The following PPP6R2 variants were observed in gnomAD, a reference collection of about 807,000 sequenced individuals.
PPP6R2 encodes serine/threonine-protein phosphatase 6 regulatory subunit 2.
A neutral mutation model predicts 100.2 loss-of-function variants in PPP6R2; 62 were observed. The observed-to-expected ratio is 0.62, with a 90% confidence interval of 0.50 to 0.76. The LOEUF (loss-of-function observed/expected upper bound fraction) is 0.76, where lower values mean the gene tolerates loss of function less well. Among genes scored for constraint, PPP6R2 ranks in the 30% least tolerant of loss-of-function variants. The probability of loss-of-function intolerance (pLI) is 0.00; values close to 1 mark genes in which losing one functional copy is unlikely to be tolerated. For missense variants in PPP6R2, 1,142 were observed against 1,276.3 expected (o/e 0.89, Z 1.60); for synonymous variants, 525 against 514.7 (o/e 1.02, Z -0.27).
intron 5 of PPP6R2, among the ~76,000 whole-genome samples, chr22:50,415,463 G>A (rs571754303): frequency 1.3e-5 from 2 of 152,342 alleles, no homozygotes; most frequent in Admixed American, 1.3e-4. Flanking sequence ...AGCCGTTAGT[G>A]GGAAGCCTGC....
intron 1 of PPP6R2, among the ~76,000 whole-genome samples, chr22:50,353,350 CAG>C (rs982243358): frequency 2.0e-5 from 3 of 152,080 alleles, no homozygotes; most frequent in African/African-American, 7.2e-5. Context: ...TGTTGTGTCT[CAG>C]GGAGTAGGGA....
upstream of PPP6R2, among the ~76,000 whole-genome samples, chr22:50,340,412 A>G (rs1232096509): frequency 0.011 from 249 of 22,688 alleles, no homozygotes; most frequent in South Asian, 0.013. Flanking sequence ...GTGTGTGTGT[A>G]GGGTGTGTGT....
At chr22:50,418,701 TA>T (rs371215035) in intron 6 of PPP6R2, among the ~76,000 whole-genome samples, 165 bp from the exon 7 acceptor site, 1 of 150,326 alleles carries the variant, frequency 6.7e-6, no homozygotes, top group South Asian at 2.1e-4. Context: ...TCCCACATCT[TA>T]AAAAAAAAGA....
intron 1 of PPP6R2, among the ~76,000 whole-genome samples, chr22:50,357,505 T>C (rs60225523): frequency 0.22 from 33,642 of 151,408 alleles, 5,800 homozygotes; most frequent in African/African-American, 0.48. Flanking sequence ...CTCTCTCTCT[T>C]TCTTTTTTGA....
chr22:50,403,313 T>C (rs2058342241), intron 3 of PPP6R2, among the ~76,000 whole-genome samples: 1 of 152,212 alleles, frequency 6.6e-6, no homozygotes, highest in South Asian at 2.1e-4. Flanking sequence ...CCTCACCCCA[T>C]GGGATGTGAC....
chr22:50,423,645 T>G lies in PPP6R2; in HGVS notation c.1125+31T>G, dbSNP rs367879583. The G allele has an allele frequency of 5.6e-6, 9 of 1,612,616 alleles. No individual in the cohort carries two copies. The African/African-American group carries it at 1.2e-4, about 22-fold the overall frequency. ...TGGGCCCCTCAGCCAGCCCTGCATGTCTGTGAGTGTGCCGGGCATGGCCTG... is the reference window on the plus strand; with the variant it reads ...TGGGCCCCTCAGCCAGCCCTGCATGGCTGTGAGTGTGCCGGGCATGGCCTG... On this transcript the variant is annotated intron_variant, in intron 10 of 23. Transcript: ENST00000612753. The surrounding 1 kb of genome is among the most constrained non-coding windows in gnomAD (Gnocchi z 4.8).
intron 4 of PPP6R2, among the ~76,000 whole-genome samples, chr22:50,409,726 G>A (rs2059477541): frequency 2.0e-5 from 3 of 151,762 alleles, no homozygotes; most frequent in South Asian, 2.1e-4. Flanking sequence ...GCGCCCGGCC[G>A]ACGATGATGA....
At chr22:50,399,409 T>C (rs1025725178) in intron 3 of PPP6R2, among the ~76,000 whole-genome samples, 10 of 152,214 alleles carry the variant, frequency 6.6e-5, no homozygotes, top group African/African-American at 2.2e-4. Context: ...GAAGGCTTCA[T>C]TTATACAGAG....
chr22:50,397,328 T>TA (rs1345702136), intron 3 of PPP6R2, among the ~76,000 whole-genome samples: 3 of 152,116 alleles, frequency 2.0e-5, no homozygotes, highest in African/African-American at 7.2e-5. Flanking sequence ...CCATCTAAAT[T>TA]ACCCTGTGAC....
intron 2 of PPP6R2, among the ~76,000 whole-genome samples, chr22:50,384,532 G>A (rs2053808202): frequency 6.6e-6 from 1 of 152,198 alleles, no homozygotes; most frequent in Non-Finnish European, 1.5e-5. Flanking sequence ...TCCAGTCTGG[G>A]CGACAGAGCG....
intron 2 of PPP6R2, among the ~76,000 whole-genome samples, chr22:50,389,563 T>G (rs1020795385): frequency 6.6e-5 from 10 of 151,732 alleles, no homozygotes; most frequent in Middle Eastern, 3.2e-3. Context: ...TTTGTTTTTT[T>G]TTTTTTTTGA....
Position 50,386,022 on chromosome 22 carries a change from A to G in PPP6R2, c.-16-7871A>G, listed in dbSNP as rs949941119. Among the ~76,000 whole-genome samples the G allele has an allele frequency of 2.7e-4, 40 of 149,516 alleles. No individual in the cohort carries two copies. The Middle Eastern group carries it at 0.028, about 105-fold the overall frequency. On this transcript the variant is annotated intron_variant, in intron 2 of 23. Coordinates refer to ENST00000612753, the MANE Select transcript of PPP6R2 (RefSeq NM_001242898.2). The stretch of plus-strand genomic sequence containing the variant: ...GTATTTTTAGTAGAGACGGGGTTTC[A>G]CTGTGTTAGCCAGGATGGTCTCGAT...
chr22:50,377,443 C>CAAT (rs746464460), intron 2 of PPP6R2, among the ~76,000 whole-genome samples: 6 of 135,794 alleles, frequency 4.4e-5, no homozygotes, highest in Non-Finnish European at 8.0e-5. Context: ...GACCCTCTCT[C>CAAT]AATAATAATA....
intron 16 of PPP6R2, 53 bp from the exon 17 acceptor site, chr22:50,437,790 A>G: frequency 3.3e-6 from 5 of 1,532,496 alleles, no homozygotes; most frequent in Non-Finnish European, 4.4e-6. Flanking sequence ...CTGAGGCCCC[A>G]GATGAGCAGT....
At chr22:50,380,236 T>C (rs2052563485) in intron 2 of PPP6R2, among the ~76,000 whole-genome samples, 1 of 151,976 alleles carries the variant, frequency 6.6e-6, no homozygotes, top group African/African-American at 2.4e-5. Context: ...TTTTTCTTTT[T>C]TTTTTTTGGT....
chr22:50,428,709 A>T (rs1379132678), intron 10 of PPP6R2, among the ~76,000 whole-genome samples: 1 of 151,734 alleles, frequency 6.6e-6, no homozygotes, highest in Non-Finnish European at 1.5e-5. Flanking sequence ...ACAGAGCAAG[A>T]TCCTTGCTCA....
intron 1 of PPP6R2, among the ~76,000 whole-genome samples, chr22:50,349,829 AC>A (rs149269395): frequency 0.21 from 30,447 of 148,120 alleles, 4,549 homozygotes; most frequent in African/African-American, 0.43. Flanking sequence ...AAAAAAAAAA[AC>A]AGAAAAAAGC....
Position 50,423,292 on chromosome 22 carries a change from T to C in PPP6R2, c.973-170T>C, listed in dbSNP as rs1255175158. ...GGGGAGCAGCAGGCTCTTCACCCCA[T>C]TGATGCCTTCATTTCTTCTGGCAGA... On this transcript the variant is annotated intron_variant, in intron 9 of 23. Coordinates refer to ENST00000612753, the MANE Select transcript of PPP6R2 (RefSeq NM_001242898.2). The surrounding 1 kb of genome is among the most constrained non-coding windows in gnomAD (Gnocchi z 4.8). Among the ~76,000 whole-genome samples the C allele has an allele frequency of 6.6e-6, 1 of 152,096 alleles. No individual in the cohort carries two copies. The highest frequency in any genetic ancestry group is 1.5e-5 in the Non-Finnish European group (1 of 67,996).
At chr22:50,394,723 G>A (rs759419929) in intron 3 of PPP6R2, among the ~76,000 whole-genome samples, 3 of 151,370 alleles carry the variant, frequency 2.0e-5, no homozygotes, top group Non-Finnish European at 4.4e-5. Context: ...TGGCTAATAC[G>A]GTGAAACCCC....
Sources: allele counts gnomAD v4.1 joint callset (sites outside exome capture counted in the v4.1 genomes callset), GRCh38; gene constraint gnomAD v4.1.1; non-coding constraint Gnocchi (gnomAD v3.1); transcripts MANE v1.5; gene names NCBI Gene and HGNC (gene_info 2026-07-23, HGNC 2026-07-21).